PRKN: variants seen among roughly 807,000 people sequenced by gnomAD.
PRKN encodes E3 ubiquitin-protein ligase parkin.
In PRKN, 56 loss-of-function variants were observed where a neutral mutation model predicts 59.5. The ratio of observed to expected loss-of-function variants is 0.94; its 90% CI spans 0.76 to 1.18. The LOEUF (loss-of-function observed/expected upper bound fraction) is 1.18, where lower values mean the gene tolerates loss of function less well. Ranked by LOEUF, PRKN falls within the 50% of genes most tolerant of loss-of-function variation. The pLI, the probability that PRKN is intolerant of heterozygous loss-of-function variation, is 0.00. For synonymous variants in PRKN, 250 were observed against 222.1 expected, an observed-to-expected ratio of 1.13 and a Z score of -1.12; for missense variants, 657 against 596.4, an observed-to-expected ratio of 1.10 and a Z score of -1.06.
chr6:162,087,902 A>G (rs1166634877), intron 4 of PRKN, among the ~76,000 whole-genome samples: 1 of 152,062 alleles, frequency 6.6e-6, no homozygotes, highest in Non-Finnish European at 1.5e-5. Context: ...AATAATTTCT[A>G]AACAATAGTA....
At chr6:162,101,909 C>A (rs2128299309) in intron 4 of PRKN, among the ~76,000 whole-genome samples, 1 of 152,306 alleles carries the variant, frequency 6.6e-6, no homozygotes, top group East Asian at 1.9e-4. Context: ...TTCTTCTACA[C>A]AATTGGTCCA....
chr6:162,282,409 A>G (rs1780948247), intron 2 of PRKN, among the ~76,000 whole-genome samples: 1 of 152,206 alleles, frequency 6.6e-6, no homozygotes, highest in African/African-American at 2.4e-5. Context: ...GCTAAAATCC[A>G]TATTAGAAAG....
At chr6:161,614,085 G>C (rs1782599627) in intron 7 of PRKN, among the ~76,000 whole-genome samples, 1 of 152,162 alleles carries the variant, frequency 6.6e-6, no homozygotes, top group Non-Finnish European at 1.5e-5. Context: ...GCCAGCAGGG[G>C]TGTCTCAAAA....
At chr6:162,177,446 G>C (rs1345915815) in intron 4 of PRKN, among the ~76,000 whole-genome samples, 1 of 152,104 alleles carries the variant, frequency 6.6e-6, no homozygotes, top group Admixed American at 6.6e-5. Context: ...TATAATGAGA[G>C]TGCATTGCAT....
intron 9 of PRKN, among the ~76,000 whole-genome samples, chr6:161,472,484 G>T (rs1264615030): frequency 2.6e-5 from 4 of 152,150 alleles, no homozygotes; most frequent in Non-Finnish European, 4.4e-5. Context: ...TGAACCCTTA[G>T]CTTGTATCAT....
At chr6:162,680,001 A>G (rs1562491767) in intron 1 of PRKN, among the ~76,000 whole-genome samples, 2 of 152,126 alleles carry the variant, frequency 1.3e-5, no homozygotes, top group Non-Finnish European at 2.9e-5. Context: ...GTTAATGTTA[A>G]AATATCACTG....
intron 9 of PRKN, among the ~76,000 whole-genome samples, chr6:161,472,598 C>A (rs1790850007): frequency 6.6e-6 from 1 of 152,096 alleles, no homozygotes; most frequent in Admixed American, 6.5e-5. Flanking sequence ...TTGGCAATAA[C>A]TTTTTGGATA....
intron 6 of PRKN, among the ~76,000 whole-genome samples, chr6:161,825,096 C>T (rs911078577): frequency 2.0e-5 from 3 of 151,930 alleles, no homozygotes; most frequent in Non-Finnish European, 2.9e-5. Context: ...AAATTGTAAT[C>T]GACTATGCTT....
At chr6:162,513,416 T>C (rs1051149598) in intron 1 of PRKN, among the ~76,000 whole-genome samples, 2 of 150,748 alleles carry the variant, frequency 1.3e-5, no homozygotes, top group East Asian at 2.0e-4. Context: ...GAGGGAGAGG[T>C]TGCAGTGAGC....
At chr6:162,151,720 C>T (rs1383528561) in intron 4 of PRKN, among the ~76,000 whole-genome samples, 2 of 152,144 alleles carry the variant, frequency 1.3e-5, no homozygotes, top group African/African-American at 4.8e-5. Context: ...TTGCCAGTCC[C>T]ACTTTAAGAA....
At chr6:161,628,015 T>A (rs1353675487) in intron 7 of PRKN, among the ~76,000 whole-genome samples, 1 of 152,162 alleles carries the variant, frequency 6.6e-6, no homozygotes, top group Non-Finnish European at 1.5e-5. Flanking sequence ...AAACTGATAA[T>A]TAAACAAACA....
intron 9 of PRKN, among the ~76,000 whole-genome samples, chr6:161,542,382 C>T (rs1177757735): frequency 1.3e-5 from 2 of 152,194 alleles, no homozygotes; most frequent in African/African-American, 4.8e-5. Context: ...CTCAAAATCA[C>T]GGAACACTTT....
At chr6:162,594,410 T>C (rs13193282) in intron 1 of PRKN, among the ~76,000 whole-genome samples, 15,356 of 152,266 alleles carry the variant, frequency 0.1, 924 homozygotes, top group Middle Eastern at 0.19. Flanking sequence ...TTATTAATTT[T>C]AAAAATACAT....
intron 6 of PRKN, among the ~76,000 whole-genome samples, chr6:161,841,823 G>T (rs1792998362): frequency 6.6e-6 from 1 of 152,090 alleles, no homozygotes; most frequent in East Asian, 1.9e-4. Flanking sequence ...AATCCTATTG[G>T]CAAATAATTA....
chr6:162,320,914 T>G (rs1200413664), intron 2 of PRKN, among the ~76,000 whole-genome samples: 1 of 151,802 alleles, frequency 6.6e-6, no homozygotes, highest in Admixed American at 6.6e-5. Context: ...GAAAATTTTT[T>G]GGGACTAAAC....
chr6:162,335,154 T>C (rs539893693), intron 2 of PRKN, among the ~76,000 whole-genome samples: 2 of 151,896 alleles, frequency 1.3e-5, no homozygotes, highest in Admixed American at 6.6e-5. Context: ...CCTGTGATTA[T>C]AGGTACACGG....
intron 3 of PRKN, among the ~76,000 whole-genome samples, chr6:162,203,554 G>A (rs984969279): frequency 2.0e-5 from 3 of 152,148 alleles, no homozygotes; most frequent in Admixed American, 1.3e-4. Context: ...GTCATGCTGT[G>A]ACCTGGACAG....
chr6:162,347,937 G>A (rs1194887488), intron 2 of PRKN, among the ~76,000 whole-genome samples: 1 of 152,102 alleles, frequency 6.6e-6, no homozygotes, highest in Non-Finnish European at 1.5e-5. Flanking sequence ...TCCAGGCTGG[G>A]GCCTAAGGCT....
Position 161,502,148 on chromosome 6 carries a change from A to C in PRKN, c.1083+46706T>G, listed in dbSNP as rs1463189303. 6.6e-6 allele frequency among the ~76,000 whole-genome samples: 1 copy of C among 152,180 alleles called. No homozygotes were observed. Among genetic ancestry groups the C allele is most frequent in the Non-Finnish European group, 1.5e-5 (1 of 68,040 alleles). On this transcript the variant is annotated intron_variant, in intron 9 of 11. Transcript: ENST00000366898. This position sits in a 1 kb window ranked among gnomAD's most constrained non-coding sequence, Gnocchi z 4.0. The stretch of plus-strand genomic sequence containing the variant: ...AACTCTGAAATGCATTATCCTGATC[A>C]TCATTGTTGCTAATCATGTCCATTT...
Sources: allele counts gnomAD v4.1 joint callset (sites outside exome capture counted in the v4.1 genomes callset), GRCh38; gene constraint gnomAD v4.1.1; non-coding constraint Gnocchi (gnomAD v3.1); transcripts MANE v1.5; gene names NCBI Gene and HGNC (gene_info 2026-07-23, HGNC 2026-07-21).